DPY19L3: variants seen among roughly 807,000 people sequenced by gnomAD.
The protein encoded by DPY19L3 is protein C-mannosyl-transferase DPY19L3.
In DPY19L3, 51 loss-of-function variants were observed where a neutral mutation model predicts 92.3. That is an observed-to-expected ratio of 0.55 (90% confidence interval 0.44 to 0.70). DPY19L3 has a LOEUF of 0.70. Among genes scored for constraint, DPY19L3 ranks in the 30% least tolerant of loss-of-function variants. The pLI is 0.00. For missense variants in DPY19L3, 706 were observed against 855.9 expected (o/e 0.82, Z 2.18); for synonymous variants, 309 against 315.2 (o/e 0.98, Z 0.21).
At chr19:32,464,837 C>A in intron 15 of DPY19L3, 53 bp downstream of exon 15, 3 of 1,239,072 alleles carry the variant, frequency 2.4e-6, no homozygotes, top group Non-Finnish European at 2.2e-6. Context: ...AGAATAATTG[C>A]TTTGATTCAA....
At chr19:32,409,520 T>C (rs1365721910) in intron 2 of DPY19L3, among the ~76,000 whole-genome samples, 1 of 152,228 alleles carries the variant, frequency 6.6e-6, no homozygotes, top group Admixed American at 6.5e-5. Flanking sequence ...CCTTGGGGCA[T>C]GTCTTAGTCC....
chr19:32,422,659 C>CACAG (rs1568328389), intron 3 of DPY19L3, among the ~76,000 whole-genome samples: 1 of 151,736 alleles, frequency 6.6e-6, no homozygotes, highest in Non-Finnish European at 1.5e-5. Flanking sequence ...CACACACACA[C>CACAG]ACGTTTAAAG....
At chr19:32,462,936 TGAGG>T (rs1465666569) in intron 12 of DPY19L3, among the ~76,000 whole-genome samples, 1 of 152,186 alleles carries the variant, frequency 6.6e-6, no homozygotes, top group African/African-American at 2.4e-5. Flanking sequence ...ATGTGATTTT[TGAGG>T]GGTCATAAAG....
intron 3 of DPY19L3, among the ~76,000 whole-genome samples, chr19:32,424,430 GC>G (rs1364002228): frequency 6.6e-6 from 1 of 151,694 alleles, no homozygotes; most frequent in Non-Finnish European, 1.5e-5. Flanking sequence ...AGACACACAA[GC>G]CTGGGCAACA....
In DPY19L3 at chr19:32,408,261, C is replaced by A. The variant is rs772246057; in HGVS notation, c.8C>A (p.Ser3Tyr). Residue 3 changes from serine (S) to tyrosine (Y), a missense_variant, in exon 2 of 19, where the codon TCC becomes TAC. By Grantham distance (144) the Ser-to-Tyr change is moderately radical. Coordinates refer to ENST00000392250, the MANE Select transcript of DPY19L3 (RefSeq NM_001172774.2). Reference sequence around the variant, plus strand: ...GCATGTAAGTCTGACATCATGATGTCCATCCGGCAAAGAAGAGAAATAAGA... The same window carrying A: ...GCATGTAAGTCTGACATCATGATGTACATCCGGCAAAGAAGAGAAATAAGA... The part of the protein sequence containing the change: MM[S>Y]IRQRREIRAT... 1 of 1,611,826 alleles carries A rather than the reference C, an allele frequency of 6.2e-7. No individual in the cohort carries two copies. Among genetic ancestry groups the A allele is most frequent in the South Asian group, 1.1e-5 (1 of 90,836 alleles).
At chr19:32,468,482 A>AT in intron 15 of DPY19L3, 6 of 1,151,638 alleles carry the variant, frequency 5.2e-6, no homozygotes, top group Non-Finnish European at 5.3e-6. Flanking sequence ...TAAAAAGCTC[A>AT]TTTTTTAAAG....
intron 4 of DPY19L3, among the ~76,000 whole-genome samples, chr19:32,435,696 T>C (rs973715159): frequency 6.6e-6 from 1 of 152,240 alleles, no homozygotes; most frequent in African/African-American, 2.4e-5. Context: ...TGCACTGTTT[T>C]AATAGGAGCA....
chr19:32,443,924 C>G (rs1969402949), intron 8 of DPY19L3, among the ~76,000 whole-genome samples: 1 of 151,528 alleles, frequency 6.6e-6, no homozygotes. Context: ...GCTGTGGTGG[C>G]ATGTGCCTGT....
chr19:32,426,633 G>C (rs1452973459), intron 3 of DPY19L3, among the ~76,000 whole-genome samples: 2 of 152,184 alleles, frequency 1.3e-5, no homozygotes, highest in African/African-American at 4.8e-5. Flanking sequence ...GAATGACAGA[G>C]CTGTCAGAAC....
intron 3 of DPY19L3, among the ~76,000 whole-genome samples, chr19:32,421,776 A>G (rs914452741): frequency 6.6e-6 from 1 of 152,180 alleles, no homozygotes; most frequent in East Asian, 1.9e-4. Flanking sequence ...GTGTGCAGGC[A>G]GTAGTGGCAG....
intron 3 of DPY19L3, among the ~76,000 whole-genome samples, chr19:32,417,892 G>A (rs1339976339): frequency 6.6e-6 from 1 of 152,166 alleles, no homozygotes; most frequent in Admixed American, 6.5e-5. Context: ...AGGAGGAAAG[G>A]CAGGGAACAA....
At chr19:32,461,263 T>A (rs1159352405) in intron 12 of DPY19L3, among the ~76,000 whole-genome samples, 2 of 152,096 alleles carry the variant, frequency 1.3e-5, no homozygotes, top group African/African-American at 2.4e-5. Flanking sequence ...AGTGTTGGGA[T>A]GACAGGCATG....
chr19:32,480,584 G>A, intron 18 of DPY19L3, 27 bp downstream of exon 18: 1 of 1,602,006 alleles, frequency 6.2e-7, no homozygotes, highest in South Asian at 1.1e-5. Flanking sequence ...TCCCTGTGTG[G>A]GGGTCTCCTG....
At chr19:32,433,057 T>A (rs1013663038) in intron 4 of DPY19L3, among the ~76,000 whole-genome samples, 12 of 152,214 alleles carry the variant, frequency 7.9e-5, no homozygotes, top group African/African-American at 2.9e-4. Context: ...TTCATGGTTT[T>A]GTTGCTGAAT....
At chr19:32,424,377 T>C (rs778834176) in intron 3 of DPY19L3, among the ~76,000 whole-genome samples, 22 of 151,230 alleles carry the variant, frequency 1.5e-4, no homozygotes, top group Non-Finnish European at 2.2e-4. Flanking sequence ...GATTTCTTTC[T>C]CTTTTATAAC....
intron 16 of DPY19L3, 153 bp downstream of exon 16, chr19:32,468,966 G>A: frequency 1.6e-6 from 1 of 606,498 alleles, no homozygotes; most frequent in Non-Finnish European, 2.6e-6. Flanking sequence ...CTCCATATTT[G>A]AAAATAATGT....
At chr19:32,407,002 CTTT>C (rs11428433) in intron 1 of DPY19L3, among the ~76,000 whole-genome samples, 2 of 132,220 alleles carry the variant, frequency 1.5e-5, no homozygotes, top group African/African-American at 2.8e-5. Context: ...TGGCTTCCTG[CTTT>C]TTTTTTTTTT....
chr19:32,443,988 T>A (rs548413307), intron 8 of DPY19L3, among the ~76,000 whole-genome samples: 4 of 148,382 alleles, frequency 2.7e-5, no homozygotes, highest in Non-Finnish European at 5.9e-5. Flanking sequence ...CGAGCCAAGA[T>A]GGGGCCACTG....
chr19:32,476,064 A>G (rs992848633), intron 16 of DPY19L3, among the ~76,000 whole-genome samples: 1 of 152,202 alleles, frequency 6.6e-6, no homozygotes, highest in Non-Finnish European at 1.5e-5. Context: ...TTCAAAAGTA[A>G]ACTATTTGTA....
Sources: gnomAD v4.1 joint callset for allele counts (sites outside exome capture counted in the v4.1 genomes callset) on GRCh38, gnomAD v4.1.1 for gene constraint, MANE v1.5 for transcripts, NCBI Gene and HGNC (gene_info 2026-07-23, HGNC 2026-07-21) for gene names.